NELL2: variants seen among roughly 807,000 people sequenced by gnomAD.
The protein encoded by NELL2 is neural EGFL like 2, also known as protein kinase C-binding protein NELL2.
NELL2 carries 41 observed loss-of-function variants against 109.6 expected under a neutral mutation model. The ratio of observed to expected loss-of-function variants is 0.37; its 90% CI spans 0.29 to 0.49. The LOEUF is 0.49. Ranked by LOEUF, NELL2 falls within the 20% of genes least tolerant of loss-of-function variation. The pLI is 0.98. For synonymous variants in NELL2, 355 were observed against 344.7 expected, an observed-to-expected ratio of 1.03 and a Z score of -0.33; for missense variants, 900 against 1,008.3, an observed-to-expected ratio of 0.89 and a Z score of 1.45.
intron 15 of NELL2, among the ~76,000 whole-genome samples, chr12:44,566,066 G>T (rs2136188929): frequency 6.6e-6 from 1 of 152,272 alleles, no homozygotes; most frequent in Middle Eastern, 3.4e-3. Context: ...TCTGGCAATA[G>T]TTCAGATGAG....
intron 3 of NELL2, among the ~76,000 whole-genome samples, chr12:44,801,063 G>T (rs539847059): frequency 2.0e-5 from 3 of 152,250 alleles, no homozygotes; most frequent in African/African-American, 7.2e-5. Flanking sequence ...AACTGAAATG[G>T]TTACAGAACA....
chr12:44,644,790 A>G (rs964026420), intron 13 of NELL2, among the ~76,000 whole-genome samples: 3 of 151,366 alleles, frequency 2.0e-5, no homozygotes, highest in Non-Finnish European at 4.4e-5. Flanking sequence ...TCATTCATCT[A>G]TACCTCCTAG....
rs143794359 is a variant in NELL2 at position 44,522,127 on chromosome 12, G to C, written c.2048C>G (p.Thr683Arg). Reference protein sequence around the residue: ...RRMVCDCENPTVDLFCCPECD... With the variant: ...RRMVCDCENPRVDLFCCPECD... ...TTCAGGGCAGCAAAAAAGATCAACT[G>C]TGGGATTCTCACAGTCACAGACCAT... The change falls in exon 18 of 20, where the codon ACA (threonine) becomes AGA (arginine). Residue 683 changes from threonine (T) to arginine (R), a missense_variant. Thr to Arg is a moderately conservative substitution (Grantham distance 71). Around this residue, in one of 4 missense-constraint regions of NELL2, gnomAD observed 333 missense variants for 432.3 expected, o/e 0.77. Coordinates refer to ENST00000429094, the MANE Select transcript of NELL2 (RefSeq NM_001145108.2). 1.2e-6 allele frequency: 2 copies of C among 1,613,934 alleles called. No homozygotes were observed. Among genetic ancestry groups the C allele is most frequent in the African/African-American group, 2.7e-5 (2 of 74,872 alleles).
chr12:44,901,041 C>T (rs951598647), intron 1 of NELL2, among the ~76,000 whole-genome samples: 3 of 151,842 alleles, frequency 2.0e-5, no homozygotes, highest in South Asian at 2.1e-4. Context: ...CAAGAAATAA[C>T]TAAGATCAGA....
At chr12:44,595,870 G>A in intron 15 of NELL2, among the ~76,000 whole-genome samples, 1 of 152,160 alleles carries the variant, frequency 6.6e-6, no homozygotes, top group South Asian at 2.1e-4. Flanking sequence ...ACACTTGAAA[G>A]TATATTTTCA....
At chr12:44,700,200 T>C (rs1592359704) in intron 12 of NELL2, among the ~76,000 whole-genome samples, 1 of 152,102 alleles carries the variant, frequency 6.6e-6, no homozygotes, top group Non-Finnish European at 1.5e-5. Context: ...GACTGGCTGG[T>C]TTTACCTCAC....
chr12:44,776,086 A>G lies in NELL2; in HGVS notation c.827T>C (p.Met276Thr). The change falls in exon 8 of 20, where the codon ATG (methionine) becomes ACG (threonine). Residue 276 changes from methionine (M) to threonine (T), a missense_variant. Physicochemically the swap from Met to Thr is moderately conservative, Grantham distance 81. This residue lies in a region of NELL2 where 292 missense variants were observed against 265.3 expected (regional missense o/e 1.10). Coordinates refer to ENST00000429094, the MANE Select transcript of NELL2 (RefSeq NM_001145108.2). ...DQCYCERTCT[M>T]KGTTYREFES... ...AAATTCTCGGTAGGTGGTTCCCTTC[A>G]TGGTGCAAGTCCTTTCACAATAGCA... 5.6e-6 allele frequency: 9 copies of G among 1,614,136 alleles called. No homozygotes were observed. Among genetic ancestry groups the G allele is most frequent in the Non-Finnish European group, 7.6e-6 (9 of 1,179,988 alleles).
intron 2 of NELL2, among the ~76,000 whole-genome samples, chr12:44,825,856 A>G (rs1480475157): frequency 6.6e-6 from 1 of 151,658 alleles, no homozygotes; most frequent in Non-Finnish European, 1.5e-5. Flanking sequence ...GACCAGCCTC[A>G]ACATGGAGAA....
rs1234917938 is a variant in NELL2 at position 44,617,707 on chromosome 12, A to G, written c.1445-6737T>C. Among the ~76,000 whole-genome samples the G allele has an allele frequency of 6.8e-5, 7 of 103,506 alleles. 1 individual carries two copies. The highest frequency in any genetic ancestry group is 1.3e-4 in the Non-Finnish European group (7 of 53,858). 67.9% of individuals were successfully genotyped at this position (103,506 alleles called of 152,430 possible). ...ACTCCGTCTCAAAAAAAAAAAAAAAAAAAAAAGAAAAAGCAGTTGTGAAGA... is the reference window on the plus strand; with the variant it reads ...ACTCCGTCTCAAAAAAAAAAAAAAAGAAAAAAGAAAAAGCAGTTGTGAAGA... On this transcript the variant is annotated intron_variant, in intron 13 of 19. Coordinates refer to ENST00000429094, the MANE Select transcript of NELL2 (RefSeq NM_001145108.2).
At chr12:44,632,400 T>C (rs1946487186) in intron 13 of NELL2, among the ~76,000 whole-genome samples, 1 of 152,044 alleles carries the variant, frequency 6.6e-6, no homozygotes, top group Non-Finnish European at 1.5e-5. Context: ...AACACATGGC[T>C]TTCAAAACAA....
intron 2 of NELL2, among the ~76,000 whole-genome samples, chr12:44,833,236 A>G (rs909300189): frequency 6.6e-6 from 1 of 152,168 alleles, no homozygotes; most frequent in Non-Finnish European, 1.5e-5. Flanking sequence ...AAATTTCTTC[A>G]CTATATTTTA....
intron 13 of NELL2, among the ~76,000 whole-genome samples, chr12:44,652,331 T>C (rs1322657072): frequency 6.6e-6 from 1 of 152,222 alleles, no homozygotes; most frequent in Non-Finnish European, 1.5e-5. Flanking sequence ...TTTTATATAT[T>C]ATATGTTGGG....
exon 1 of NELL2, chr12:44,913,834 C>T: frequency 2.5e-6 from 2 of 792,048 alleles, no homozygotes; most frequent in Non-Finnish European, 3.9e-6. Flanking sequence ...TTCTTATAGA[C>T]ATTTTATAAT....
At chr12:44,563,617 C>T (rs762834914) in intron 15 of NELL2, among the ~76,000 whole-genome samples, 1 of 152,090 alleles carries the variant, frequency 6.6e-6, no homozygotes. Context: ...AGATAAGAAA[C>T]CCATTAGCTC....
chr12:44,518,402 G>T (rs1359168092), intron 19 of NELL2, among the ~76,000 whole-genome samples: 1 of 152,038 alleles, frequency 6.6e-6, no homozygotes, highest in Non-Finnish European at 1.5e-5. Flanking sequence ...CCACCACCAT[G>T]CCTGGCTAAT....
chr12:44,564,991 C>A (rs1275993867), intron 15 of NELL2, among the ~76,000 whole-genome samples: 1 of 152,120 alleles, frequency 6.6e-6, no homozygotes, highest in Admixed American at 6.6e-5. Context: ...GAATCAGAAT[C>A]CTCTGAGGAT....
chr12:44,511,087 A>C (rs1267411153), intron 19 of NELL2, among the ~76,000 whole-genome samples: 4 of 152,160 alleles, frequency 2.6e-5, no homozygotes, highest in Non-Finnish European at 5.9e-5. Flanking sequence ...TTAATATTGC[A>C]CCCATAAGTA....
At chr12:44,585,546 A>T (rs1471295017) in intron 15 of NELL2, among the ~76,000 whole-genome samples, 1 of 152,190 alleles carries the variant, frequency 6.6e-6, no homozygotes, top group Non-Finnish European at 1.5e-5. Flanking sequence ...ATATTATGAT[A>T]TATTTGCATA....
chr12:44,862,733 G>A (rs907366186), intron 2 of NELL2, among the ~76,000 whole-genome samples: 2 of 151,912 alleles, frequency 1.3e-5, no homozygotes, highest in African/African-American at 4.8e-5. Flanking sequence ...AAAAAACACA[G>A]TGCACAAAAT....
Sources: allele counts gnomAD v4.1 joint callset (sites outside exome capture counted in the v4.1 genomes callset), GRCh38; gene constraint gnomAD v4.1.1; regional missense constraint gnomAD v4.1.1; transcripts MANE v1.5; gene names NCBI Gene and HGNC (gene_info 2026-07-23, HGNC 2026-07-21).